SYN3: variants seen among roughly 807,000 people sequenced by gnomAD.
SYN3 encodes synapsin III, also known as synapsin-3.
In SYN3, 35 loss-of-function variants were observed where a neutral mutation model predicts 65.8. That is an observed-to-expected ratio of 0.53 (90% CI 0.41 to 0.70). The LOEUF (loss-of-function observed/expected upper bound fraction) is 0.70. Among genes scored for constraint, SYN3 ranks in the 30% least tolerant of loss-of-function variants. The pLI is 0.00. For missense variants in SYN3, 680 were observed against 749.0 expected, an observed-to-expected ratio of 0.91 and a Z score of 1.08; for synonymous variants, 270 against 292.9, an observed-to-expected ratio of 0.92 and a Z score of 0.80.
chr22:32,644,017 G>A lies in SYN3; in HGVS notation c.712-47281C>T, dbSNP rs538026039. On this transcript the variant is annotated intron_variant, in intron 6 of 13. Coordinates refer to ENST00000358763, the MANE Select transcript of SYN3 (RefSeq NM_003490.4). ...CGCTTGAACCCAGGAGGTGGAGGTTGTAGTGAGCCGAGATCTCACCACTGT... is the reference window on the plus strand; with the variant it reads ...CGCTTGAACCCAGGAGGTGGAGGTTATAGTGAGCCGAGATCTCACCACTGT... Among the ~76,000 whole-genome samples the A allele has an allele frequency of 2.4e-5, 3 of 124,414 alleles. 1 individual carries two copies. In the South Asian group the frequency reaches 8.6e-4, roughly 36 times the overall value. The allele number at this position is 124,414 out of a possible 152,430, so 81.6% of individuals were successfully genotyped here. A position where few individuals can be genotyped will look rare whatever the true frequency, so the allele number is the denominator to read the frequency against.
At chr22:32,609,207 C>A (rs12483943) in intron 6 of SYN3, among the ~76,000 whole-genome samples, 2,789 of 151,890 alleles carry the variant, frequency 0.018, 179 homozygotes, top group Admixed American at 0.1. Flanking sequence ...GCCTGTAGTC[C>A]CAGTTACTCG....
intron 6 of SYN3, among the ~76,000 whole-genome samples, chr22:32,710,101 G>A (rs866627385): frequency 1.7e-4 from 13 of 78,714 alleles, no homozygotes; most frequent in South Asian, 7.6e-4. Flanking sequence ...ACACACACAT[G>A]TGTGTGTGTA....
At chr22:32,585,877 CAT>C (rs1235260845) in intron 7 of SYN3, among the ~76,000 whole-genome samples, 10 of 149,934 alleles carry the variant, frequency 6.7e-5, no homozygotes, top group South Asian at 2.1e-4. Flanking sequence ...CGTATATAGA[CAT>C]ATATACGTAT....
chr22:32,800,273 C>T (rs1283002676), intron 6 of SYN3, among the ~76,000 whole-genome samples: 1 of 151,956 alleles, frequency 6.6e-6, no homozygotes, highest in Non-Finnish European at 1.5e-5. Flanking sequence ...GGGAAAGAGA[C>T]AAAAGTGTAG....
At chr22:32,567,334 C>T (rs1013695620) in intron 7 of SYN3, among the ~76,000 whole-genome samples, 1 of 131,486 alleles carries the variant, frequency 7.6e-6, no homozygotes, top group Non-Finnish European at 1.6e-5. Flanking sequence ...CCCTCCCTCC[C>T]TCCCTCCCTC....
chr22:32,857,809 T>G (rs2048413868), intron 6 of SYN3, among the ~76,000 whole-genome samples: 1 of 152,128 alleles, frequency 6.6e-6, no homozygotes. Context: ...GCAAATCACT[T>G]TACCTCTCCA....
At chr22:32,685,139 T>C (rs1235491270) in intron 6 of SYN3, among the ~76,000 whole-genome samples, 1 of 152,206 alleles carries the variant, frequency 6.6e-6, no homozygotes, top group Non-Finnish European at 1.5e-5. Flanking sequence ...TCAAGGGCAT[T>C]TTCCCATTCT....
At chr22:33,048,389 A>G (rs2054103921) in intron 1 of SYN3, among the ~76,000 whole-genome samples, 1 of 152,158 alleles carries the variant, frequency 6.6e-6, no homozygotes, top group Non-Finnish European at 1.5e-5. Context: ...TGTGAAAATC[A>G]TGTGTAGCTA....
At chr22:32,805,040 TGC>T (rs1334759365) in intron 6 of SYN3, among the ~76,000 whole-genome samples, 21 of 134,658 alleles carry the variant, frequency 1.6e-4, no homozygotes, top group East Asian at 2.1e-4. Flanking sequence ...TGTGTGTGTG[TGC>T]GCGTGTGTGG....
At chr22:32,677,749 C>T (rs1179437831) in intron 6 of SYN3, among the ~76,000 whole-genome samples, 4 of 151,870 alleles carry the variant, frequency 2.6e-5, no homozygotes, top group South Asian at 2.1e-4. Flanking sequence ...TGCAGTGAGC[C>T]GACATCGCAC....
intron 5 of SYN3, among the ~76,000 whole-genome samples, chr22:32,868,491 AGT>A (rs2048750233): frequency 6.6e-6 from 1 of 151,746 alleles, no homozygotes. Context: ...CCCAGGCTGG[AGT>A]GCAACGGCAC....
At chr22:32,749,464 AC>A (rs2045044850) in intron 6 of SYN3, among the ~76,000 whole-genome samples, 1 of 151,334 alleles carries the variant, frequency 6.6e-6, no homozygotes, top group Non-Finnish European at 1.5e-5. Flanking sequence ...AGATGGTGAA[AC>A]CCCGTCTCTA....
intron 6 of SYN3, among the ~76,000 whole-genome samples, chr22:32,703,847 T>A (rs1158943659): frequency 6.6e-6 from 1 of 152,126 alleles, no homozygotes; most frequent in Non-Finnish European, 1.5e-5. Flanking sequence ...AAACTCATAG[T>A]CTATTTATTT....
chr22:32,689,284 C>T (rs1329077607), intron 6 of SYN3, among the ~76,000 whole-genome samples: 1 of 152,168 alleles, frequency 6.6e-6, no homozygotes, highest in Non-Finnish European at 1.5e-5. Context: ...GACTTCTGGA[C>T]ATTGGAGCCA....
chr22:32,899,112 A>AAAACAAAACAAAACAAAACG (rs1349633223), intron 4 of SYN3, among the ~76,000 whole-genome samples: 2 of 152,092 alleles, frequency 1.3e-5, no homozygotes, highest in Non-Finnish European at 2.9e-5. Context: ...AAAACAAAAC[A>AAAACAAAACAAAACAAAACG]AAACAAAACA....
chr22:32,969,051 G>A (rs1160651196), intron 3 of SYN3, among the ~76,000 whole-genome samples: 1 of 152,178 alleles, frequency 6.6e-6, no homozygotes, highest in Non-Finnish European at 1.5e-5. Flanking sequence ...TTTATCAATG[G>A]TACTAACAGG....
At chr22:32,947,098 A>G (rs1249989145) in intron 3 of SYN3, among the ~76,000 whole-genome samples, 1 of 152,224 alleles carries the variant, frequency 6.6e-6, no homozygotes, top group East Asian at 1.9e-4. Context: ...CAGAGATCTA[A>G]ATCTTGAATT....
At chr22:32,649,547 C>G (rs916114730) in intron 6 of SYN3, among the ~76,000 whole-genome samples, 1 of 152,162 alleles carries the variant, frequency 6.6e-6, no homozygotes, top group African/African-American at 2.4e-5. Context: ...TGGAGGCAAC[C>G]CTGTTCCAAC....
chr22:32,530,983 G>C (rs996747499), intron 10 of SYN3, among the ~76,000 whole-genome samples: 36 of 151,814 alleles, frequency 2.4e-4, no homozygotes, highest in African/African-American at 8.7e-4. Flanking sequence ...AAGAAGAGCA[G>C]AAGGGGAAAC....
Sources: gnomAD v4.1 joint callset for allele counts (sites outside exome capture counted in the v4.1 genomes callset) on GRCh38, gnomAD v4.1.1 for gene constraint, MANE v1.5 for transcripts, NCBI Gene and HGNC (gene_info 2026-07-23, HGNC 2026-07-21) for gene names.